PTK2B: variants seen among roughly 807,000 people sequenced by gnomAD.
PTK2B encodes the protein protein-tyrosine kinase 2-beta.
In PTK2B, 71 loss-of-function variants were observed where a neutral mutation model predicts 142.9. The ratio of observed to expected loss-of-function variants is 0.50; its 90% confidence interval spans 0.41 to 0.61. The LOEUF is 0.61. PTK2B is among the 20% of genes least tolerant of loss of function. The probability of loss-of-function intolerance (pLI) is 0.00; values close to 1 mark genes in which losing one functional copy is unlikely to be tolerated. For missense variants in PTK2B, 1,105 were observed against 1,320.4 expected (o/e 0.84, Z 2.53); for synonymous variants, 519 against 503.4 (o/e 1.03, Z -0.42).
rs61701999 is a variant in PTK2B at position 27,410,079 on chromosome 8, A to G, written c.205-9816A>G. On this transcript the variant is annotated intron_variant, in intron 2 of 30. Transcript: ENST00000346049. ...GTTTATTTATTAAAATGTTAAGTAT[A>G]GTCATCTTACTAAAACAAACAAACA... is the stretch of plus-strand genomic sequence containing the variant. Among the ~76,000 whole-genome samples, 1,173 of 152,346 alleles carry G rather than the reference A, an allele frequency of 7.7e-3. 13 individuals are homozygous for G. Among genetic ancestry groups the G allele is most frequent in the African/African-American group, 0.027 (1,138 of 41,576 alleles).
intron 2 of PTK2B, among the ~76,000 whole-genome samples, chr8:27,418,669 T>C (rs899475137): frequency 3.9e-5 from 6 of 152,208 alleles, no homozygotes; most frequent in Non-Finnish European, 7.3e-5. Context: ...GAGGACACTC[T>C]GCTCTGTCAG....
chr8:27,393,752 C>G (rs536211203), intron 1 of PTK2B, among the ~76,000 whole-genome samples: 1 of 152,264 alleles, frequency 6.6e-6, no homozygotes, highest in Admixed American at 6.5e-5. Flanking sequence ...GCACCCTGCC[C>G]TGACACAAGC....
chr8:27,369,261 C>G (rs1431789215), intron 1 of PTK2B, among the ~76,000 whole-genome samples: 1 of 152,138 alleles, frequency 6.6e-6, no homozygotes, highest in Non-Finnish European at 1.5e-5. Flanking sequence ...ATCACAGGAT[C>G]CCTTCACTGG....
At chr8:27,340,795 C>T (rs1804349077) in intron 1 of PTK2B, among the ~76,000 whole-genome samples, 2 of 152,332 alleles carry the variant, frequency 1.3e-5, no homozygotes, top group Admixed American at 6.5e-5. Context: ...ATGGCCCAGG[C>T]TGCCAACTGC....
At chr8:27,317,915 A>G (rs1005129593) in intron 3 of PTK2B, among the ~76,000 whole-genome samples, 4 of 152,234 alleles carry the variant, frequency 2.6e-5, no homozygotes, top group African/African-American at 4.8e-5. Context: ...CTGATTTTCC[A>G]TGTTCCTGAA....
At chr8:27,400,411 C>G (rs1209484511) in intron 2 of PTK2B, among the ~76,000 whole-genome samples, 2 of 150,798 alleles carry the variant, frequency 1.3e-5, no homozygotes, top group African/African-American at 4.9e-5. Context: ...GAACTTTTTC[C>G]CCTAAACTCT....
chr8:27,421,889 TC>T (rs1809778704), intron 4 of PTK2B, among the ~76,000 whole-genome samples: 1 of 152,238 alleles, frequency 6.6e-6, no homozygotes, highest in African/African-American at 2.4e-5. Flanking sequence ...TGATATTAGT[TC>T]CTTCCAAGAT....
At chr8:27,334,455 T>C (rs1803937931) in intron 1 of PTK2B, among the ~76,000 whole-genome samples, 1 of 152,174 alleles carries the variant, frequency 6.6e-6, no homozygotes, top group Admixed American at 6.5e-5. Flanking sequence ...TCCTACTTAC[T>C]CCTTTAAGGC....
intron 2 of PTK2B, chr8:27,313,117 T>G (rs1803019453): frequency 1.3e-5 from 2 of 152,234 alleles, no homozygotes; most frequent in African/African-American, 4.8e-5. Context: ...CCCCATGCTG[T>G]TCTCCTGATA....
In PTK2B at chr8:27,436,136, T is replaced by G; in HGVS notation, c.1244-115T>G. ...TTTCCCCAGCCCAGTCCCTGGATCT[T>G]GGCTGAGGTGTTATAGATCTGGTGA... On this transcript the variant is annotated intron_variant, in intron 14 of 30. Coordinates refer to ENST00000346049, the MANE Select transcript of PTK2B (RefSeq NM_173176.3). The G allele has an allele frequency of 3.1e-6, 3 of 982,894 alleles. No individual in the cohort carries two copies. In the East Asian group the frequency reaches 7.2e-5, roughly 23 times the overall value. 60.9% of individuals were successfully genotyped at this position (982,894 alleles called of 1,614,324 possible).
chr8:27,442,154 T>G (rs1341755335), intron 21 of PTK2B, among the ~76,000 whole-genome samples: 1 of 152,220 alleles, frequency 6.6e-6, no homozygotes, highest in Non-Finnish European at 1.5e-5. Flanking sequence ...ATAGTTATAT[T>G]TTAAAAATCT....
At chr8:27,393,726 CAG>C (rs1401794834) in intron 1 of PTK2B, among the ~76,000 whole-genome samples, 3 of 152,242 alleles carry the variant, frequency 2.0e-5, no homozygotes, top group Admixed American at 1.3e-4. Context: ...GCCGAAAGTG[CAG>C]AGTGTTCCCA....
chr8:27,413,929 T>G (rs911036815), intron 2 of PTK2B, among the ~76,000 whole-genome samples: 8 of 152,250 alleles, frequency 5.3e-5, no homozygotes, highest in African/African-American at 1.9e-4. Flanking sequence ...TCCCCAATTA[T>G]TTATCTGTCT....
At chr8:27,433,582 G>C (rs1810579618) in intron 11 of PTK2B, 30 bp downstream of exon 11, 1 of 1,580,286 alleles carries the variant, frequency 6.3e-7, no homozygotes, top group African/African-American at 1.3e-5. Flanking sequence ...AAAGTGGCTG[G>C]ACCACGGGTG....
At chr8:27,427,814 A>G (rs1485114762) in intron 5 of PTK2B, among the ~76,000 whole-genome samples, 1 of 152,080 alleles carries the variant, frequency 6.6e-6, no homozygotes, top group Non-Finnish European at 1.5e-5. Flanking sequence ...CCAGGGGAGA[A>G]TCCTGGGTAG....
intron 1 of PTK2B, among the ~76,000 whole-genome samples, chr8:27,375,914 A>G (rs1330688779): frequency 2.6e-5 from 4 of 152,264 alleles, no homozygotes; most frequent in African/African-American, 4.8e-5. Flanking sequence ...CGGCCATGCA[A>G]TTAGGCACTT....
chr8:27,439,801 C>T (rs1314266621), intron 20 of PTK2B, among the ~76,000 whole-genome samples: 3 of 152,176 alleles, frequency 2.0e-5, no homozygotes, highest in Non-Finnish European at 2.9e-5. Flanking sequence ...CACAGCCAAC[C>T]CTGTAGAACA....
At chr8:27,414,930 G>A (rs1809308019) in intron 2 of PTK2B, among the ~76,000 whole-genome samples, 1 of 151,996 alleles carries the variant, frequency 6.6e-6, no homozygotes, top group Non-Finnish European at 1.5e-5. Context: ...TCCAAAGGAA[G>A]GAAAAAGAAA....
At chr8:27,446,034 A>G (rs1785539951) in intron 24 of PTK2B, 115 bp downstream of exon 24, 2 of 1,454,194 alleles carry the variant, frequency 1.4e-6, no homozygotes, top group Non-Finnish European at 1.9e-6. Context: ...TCCTGTTCCC[A>G]TGCACCAGTC....
Sources: allele counts gnomAD v4.1 joint callset (sites outside exome capture counted in the v4.1 genomes callset), GRCh38; gene constraint gnomAD v4.1.1; transcripts MANE v1.5; gene names NCBI Gene and HGNC (gene_info 2026-07-23, HGNC 2026-07-21).